MYO1D: variants seen among roughly 807,000 people sequenced by gnomAD.
The protein encoded by MYO1D is myosin ID.
A neutral mutation model predicts 122.0 loss-of-function variants in MYO1D; 83 were observed. That is an observed-to-expected ratio of 0.68 (90% CI 0.57 to 0.82). The LOEUF (loss-of-function observed/expected upper bound fraction) is 0.82. Among genes scored for constraint, MYO1D ranks in the 40% least tolerant of loss-of-function variants. The pLI is 0.00. For missense variants in MYO1D, 1,157 were observed against 1,269.5 expected, an observed-to-expected ratio of 0.91 and a Z score of 1.35; for synonymous variants, 464 against 446.9, an observed-to-expected ratio of 1.04 and a Z score of -0.48.
At chr17:32,649,194 C>A (rs1168019111) in intron 19 of MYO1D, among the ~76,000 whole-genome samples, 2 of 152,148 alleles carry the variant, frequency 1.3e-5, no homozygotes, top group Non-Finnish European at 2.9e-5. Context: ...GTAAAATACA[C>A]ATAACAAAAT....
At chr17:32,799,435 T>C (rs2090443288) in intron 1 of MYO1D, among the ~76,000 whole-genome samples, 1 of 152,160 alleles carries the variant, frequency 6.6e-6, no homozygotes, top group Non-Finnish European at 1.5e-5. Flanking sequence ...AAAATAGCTG[T>C]CCTCAATCTC....
intron 19 of MYO1D, among the ~76,000 whole-genome samples, chr17:32,649,714 G>T (rs1226345558): frequency 6.6e-6 from 1 of 151,894 alleles, no homozygotes; most frequent in African/African-American, 2.4e-5. Context: ...TGGGATTGCA[G>T]GCCTGTGCCA....
chr17:32,618,794 C>T (rs1255463173), intron 20 of MYO1D, among the ~76,000 whole-genome samples: 1 of 151,986 alleles, frequency 6.6e-6, no homozygotes, highest in East Asian at 1.9e-4. Flanking sequence ...GCCACCATGC[C>T]TGGCTAATTT....
chr17:32,624,401 T>C lies in MYO1D; in HGVS notation c.2709+14321A>G, dbSNP rs2087898762. 2.6e-5 allele frequency among the ~76,000 whole-genome samples: 4 copies of C among 152,014 alleles called. No individual in the cohort carries two copies. The South Asian group carries it at 6.2e-4, about 24-fold the overall frequency. On this transcript the variant is annotated intron_variant, in intron 20 of 21. Coordinates refer to ENST00000318217, the MANE Select transcript of MYO1D (RefSeq NM_015194.3). The stretch of plus-strand genomic sequence containing the variant: ...TGATGCCTAGCTCTACCAGCAGAGA[T>C]TTGATTTCATGCATCTGGAGTATGA...
chr17:32,558,183 T>G (rs1295393360), intron 21 of MYO1D, among the ~76,000 whole-genome samples: 3 of 152,122 alleles, frequency 2.0e-5, no homozygotes, highest in East Asian at 1.9e-4. Context: ...AGAAACACTC[T>G]GAGAGGCAGG....
At chr17:32,690,392 C>T (rs888899359) in intron 16 of MYO1D, among the ~76,000 whole-genome samples, 11 of 152,110 alleles carry the variant, frequency 7.2e-5, no homozygotes, top group African/African-American at 1.2e-4. Flanking sequence ...CCAGGCTGGT[C>T]GCGAACTCCT....
chr17:32,568,761 C>T (rs1433654797), intron 21 of MYO1D, among the ~76,000 whole-genome samples: 1 of 152,214 alleles, frequency 6.6e-6, no homozygotes, highest in Non-Finnish European at 1.5e-5. Flanking sequence ...CTGCCCTTTC[C>T]GTGCTTTCTG....
chr17:32,722,736 TATAGTA>T (rs1314331713), intron 14 of MYO1D, among the ~76,000 whole-genome samples: 6 of 152,210 alleles, frequency 3.9e-5, no homozygotes, highest in African/African-American at 7.2e-5. Context: ...ATGACTATGG[TATAGTA>T]ATAGTAAGAA....
At chr17:32,615,262 A>T in intron 20 of MYO1D, among the ~76,000 whole-genome samples, 1 of 152,212 alleles carries the variant, frequency 6.6e-6, no homozygotes, top group East Asian at 1.9e-4. Flanking sequence ...GCAGGCCTTC[A>T]AGAGGAGGTC....
intron 21 of MYO1D, among the ~76,000 whole-genome samples, chr17:32,538,087 A>G (rs1910714995): frequency 6.6e-6 from 1 of 152,148 alleles, no homozygotes; most frequent in Non-Finnish European, 1.5e-5. Flanking sequence ...ATGATACTGT[A>G]GAAGTATAAT....
intron 21 of MYO1D, among the ~76,000 whole-genome samples, chr17:32,512,282 A>G (rs1280041664): frequency 6.6e-6 from 1 of 151,706 alleles, no homozygotes; most frequent in East Asian, 1.9e-4. Context: ...CCTGGGCGAC[A>G]AGAGTGAAAC....
At chr17:32,597,889 A>G (rs1349162163) in intron 21 of MYO1D, among the ~76,000 whole-genome samples, 1 of 151,190 alleles carries the variant, frequency 6.6e-6, no homozygotes, top group Non-Finnish European at 1.5e-5. Context: ...AAAAAAAAAA[A>G]AAAGAAATCT....
intron 2 of MYO1D, among the ~76,000 whole-genome samples, chr17:32,779,410 C>T (rs959481666): frequency 5.3e-5 from 8 of 150,522 alleles, no homozygotes; most frequent in African/African-American, 2.0e-4. Flanking sequence ...TATAGAAACA[C>T]CAATGAAAAG....
At chr17:32,742,982 T>C (rs1203938862) in intron 13 of MYO1D, among the ~76,000 whole-genome samples, 2 of 152,234 alleles carry the variant, frequency 1.3e-5, no homozygotes, top group Admixed American at 1.3e-4. Context: ...TGGTCAATCT[T>C]GGTCCTCTCA....
Position 32,683,231 on chromosome 17 carries a change from A to C in MYO1D, c.2122-23893T>G, listed in dbSNP as rs947886326. Among the ~76,000 whole-genome samples the C allele has an allele frequency of 8.8e-3, 1,334 of 151,598 alleles. 13 individuals carry two copies. Among genetic ancestry groups the C allele is most frequent in the Non-Finnish European group, 0.014 (949 of 67,922 alleles). ...AGCTTAGAGTAATTTGATCGTCTGA[A>C]GCCTTCTTCTCTCAGCTCGTCAAAG... On this transcript the variant is annotated intron_variant, in intron 16 of 21. Transcript: ENST00000318217.
At chr17:32,627,799 G>A (rs562326738) in intron 20 of MYO1D, 1 of 152,238 alleles carries the variant, frequency 6.6e-6, no homozygotes, top group East Asian at 1.9e-4. Context: ...TTCTAGCTGA[G>A]GTAAGGTTAT....
intron 3 of MYO1D, 125 bp from the exon 4 acceptor site, chr17:32,776,154 A>G (rs554165609): frequency 1.3e-6 from 1 of 785,954 alleles, no homozygotes; most frequent in South Asian, 2.0e-5. Context: ...ACTGTTTGCA[A>G]TATCAAAAAA....
At chr17:32,640,367 C>T (rs143393137) in intron 19 of MYO1D, among the ~76,000 whole-genome samples, 3,040 of 151,736 alleles carry the variant, frequency 0.02, 39 homozygotes, top group Non-Finnish European at 0.032. Flanking sequence ...GGTACATGTG[C>T]ACAATGTGCA....
rs1326249642 is a variant in MYO1D at position 32,697,795 on chromosome 17, AC to A, written c.2121+14192del. On this transcript the variant is annotated intron_variant, in intron 16 of 21. Coordinates refer to ENST00000318217, the MANE Select transcript of MYO1D (RefSeq NM_015194.3). The stretch of plus-strand genomic sequence containing the variant: ...ATAACTCAGAAGACATTACCACTTT[AC>A]CAAGGCTATTTAATAAAGCAATTTT... Among the ~76,000 whole-genome samples the A allele has an allele frequency of 4.6e-5, 7 of 152,198 alleles. No homozygotes were observed. In the South Asian group the frequency reaches 1.4e-3, roughly 31 times the overall value.
Sources: gnomAD v4.1 joint callset for allele counts (sites outside exome capture counted in the v4.1 genomes callset) on GRCh38, gnomAD v4.1.1 for gene constraint, MANE v1.5 for transcripts, NCBI Gene and HGNC (gene_info 2026-07-23, HGNC 2026-07-21) for gene names.